The following ABCA10 variants were observed in gnomAD, a reference collection of about 807,000 sequenced individuals.
ABCA10 encodes the protein ATP-binding cassette sub-family A member 10.
In ABCA10, 169 loss-of-function variants were observed where a neutral mutation model predicts 187.5. The observed-to-expected ratio is 0.90, with a 90% CI of 0.80 to 1.02. The LOEUF is 1.02. ABCA10 is among the 50% of genes least tolerant of loss of function. The pLI is 0.00. For missense variants in ABCA10, 1,727 were observed against 1,812.4 expected, an observed-to-expected ratio of 0.95 and a Z score of 0.86; for synonymous variants, 574 against 601.8, an observed-to-expected ratio of 0.95 and a Z score of 0.68.
In ABCA10 at chr17:69,189,030, A is replaced by G. The variant is rs942718499; in HGVS notation, c.2132-1151T>C. 2.7e-4 allele frequency among the ~76,000 whole-genome samples: 41 copies of G among 152,010 alleles called. 1 individual carries two copies. Among genetic ancestry groups the G allele is most frequent in the Admixed American group, 2.4e-3 (36 of 15,250 alleles). On this transcript the variant is annotated intron_variant, in intron 18 of 38. Coordinates refer to ENST00000690296, the MANE Select transcript of ABCA10 (RefSeq NM_001377321.1). ...GTCTTTATGACAGAATGATTTATAT[A>G]CCTTTGGCTATATACTCAGTAATGG...
At chr17:69,164,885 C>G in intron 26 of ABCA10, 79 bp downstream of exon 26, 2 of 1,468,284 alleles carry the variant, frequency 1.4e-6, no homozygotes, top group Non-Finnish European at 1.8e-6. Context: ...TATAAATGCA[C>G]CTGTTCCGAC....
intron 25 of ABCA10, 117 bp from the exon 26 acceptor site, chr17:69,165,200 A>G (rs2074246779): frequency 1.3e-5 from 11 of 834,968 alleles, no homozygotes; most frequent in African/African-American, 1.7e-5. Context: ...TTTACCTCAC[A>G]GATAGAAATA....
intron 20 of ABCA10, 80 bp from the exon 21 acceptor site, chr17:69,182,888 T>C (rs1255560385): frequency 1.6e-5 from 24 of 1,493,940 alleles, no homozygotes; most frequent in East Asian, 4.5e-5. Context: ...ATAATAATGA[T>C]TGCCAATCGT....
At chr17:69,153,628 A>G in intron 32 of ABCA10, 82 bp from the exon 33 acceptor site, 3 of 1,516,662 alleles carry the variant, frequency 2.0e-6, no homozygotes, top group African/African-American at 1.4e-5. Flanking sequence ...TCTAAGCACT[A>G]TTATTCTAGA....
At chr17:69,197,765 C>A (rs530834831) in intron 10 of ABCA10, among the ~76,000 whole-genome samples, 1 of 152,040 alleles carries the variant, frequency 6.6e-6, no homozygotes, top group African/African-American at 2.4e-5. Context: ...CTTACTATTC[C>A]GTTTTGGCGT....
At chr17:69,182,439 A>ATT (rs1359789150) in intron 21 of ABCA10, 149 bp from the exon 22 acceptor site, 1 of 976,312 alleles carries the variant, frequency 1.0e-6, no homozygotes, top group African/African-American at 1.7e-5. Context: ...TTGGTACAAG[A>ATT]ATGCATTATT....
At chr17:69,233,065 G>C (rs1426712246), upstream of ABCA10, 1 of 151,934 alleles carries the variant, frequency 6.6e-6, no homozygotes, top group Non-Finnish European at 1.5e-5. Context: ...GAATCTGATT[G>C]ATTAGCTGTG....
intron 3 of ABCA10, among the ~76,000 whole-genome samples, chr17:69,223,199 A>G (rs2074764087): frequency 6.6e-6 from 1 of 152,180 alleles, no homozygotes; most frequent in Non-Finnish European, 1.5e-5. Context: ...AAGAATTAAA[A>G]GGAAAAATAT....
rs2074730996 is a variant in ABCA10 at position 69,219,627 on chromosome 17, A to G, written c.448T>C (p.Phe150Leu). ...CLVSFSSFIYFASLNVARERG... is the reference protein window; with the variant it reads ...CLVSFSSFIYLASLNVARERG... Reference sequence around the variant, plus strand: ...TCCCTTGCAACATTTAATGATGCAAAGTATATAAAAGAAGAGAAAGAAACT... The same window carrying G: ...TCCCTTGCAACATTTAATGATGCAAGGTATATAAAAGAAGAGAAAGAAACT... Residue 150 changes from phenylalanine (F) to leucine (L), a missense_variant, in exon 6 of 39, where the codon TTT becomes CTT. Phe to Leu is a conservative substitution (Grantham distance 22). Transcript: ENST00000690296. The G allele has an allele frequency of 6.2e-7, 1 of 1,611,288 alleles. No homozygotes were observed. Among genetic ancestry groups the G allele is most frequent in the African/African-American group, 1.3e-5 (1 of 74,824 alleles).
At position 69,224,280 on chromosome 17, in the gene ABCA10, A is replaced by G. The variant is rs1457076560; in HGVS notation, c.34+1045T>C. ...CCAAAAAACTAAATAAAAGTTTCAG[A>G]AAGACAAGAAAAAGCAGTGATTAGA... On this transcript the variant is annotated intron_variant, in intron 3 of 38. Coordinates refer to ENST00000690296, the MANE Select transcript of ABCA10 (RefSeq NM_001377321.1). Among the ~76,000 whole-genome samples, 11 of 152,296 alleles carry G rather than the reference A, an allele frequency of 7.2e-5. No homozygotes were observed. In the South Asian group the frequency reaches 1.2e-3, roughly 17 times the overall value.
rs770080076 is a variant in ABCA10, at chr17:69,201,665, TTATC to T, written c.1007-1_1009del. On this transcript the variant is annotated splice_acceptor_variant and coding_sequence_variant, in exon 10 of 39. Coordinates refer to ENST00000690296, the MANE Select transcript of ABCA10 (RefSeq NM_001377321.1). LOFTEE classifies it high-confidence loss of function. ...TAATGGAGAATCCCCATGGCCATCT[TTATC>T]TAATTAATTAAGATACAATTACATA... 22 of 1,595,428 alleles carry T rather than the reference TTATC, an allele frequency of 1.4e-5. No homozygotes were observed. The Admixed American group carries it at 3.2e-4, about 23-fold the overall frequency.
In ABCA10 at chr17:69,165,096, C is replaced by A. The variant is rs2074246023; in HGVS notation, c.3163-13G>T. The stretch of plus-strand genomic sequence containing the variant: ...CACATATTAAGATCTAGAAAAAAAT[C>A]CAGAAGTATTATAATTTTCTCAGTT... On this transcript the variant is annotated splice_polypyrimidine_tract_variant and intron_variant, in intron 25 of 38. Coordinates refer to ENST00000690296, the MANE Select transcript of ABCA10 (RefSeq NM_001377321.1). 6.6e-7 allele frequency: 1 copy of A among 1,515,650 alleles called. No individual in the cohort carries two copies. Among genetic ancestry groups the A allele is most frequent in the Non-Finnish European group, 9.1e-7 (1 of 1,095,208 alleles). The allele number at this position is 1,515,650 out of a possible 1,614,324, so 93.9% of individuals were successfully genotyped here. A position where few individuals can be genotyped will look rare whatever the true frequency, so the allele number is the denominator to read the frequency against.
At chr17:69,177,670 G>A (rs577214556) in intron 22 of ABCA10, among the ~76,000 whole-genome samples, 1 of 151,954 alleles carries the variant, frequency 6.6e-6, no homozygotes, top group East Asian at 1.9e-4. Flanking sequence ...AATGTATAGT[G>A]AGGCCAGATG....
At chr17:69,225,748 CTT>C (rs2074788822) in intron 2 of ABCA10, among the ~76,000 whole-genome samples, 1 of 152,086 alleles carries the variant, frequency 6.6e-6, no homozygotes, top group Non-Finnish European at 1.5e-5. Flanking sequence ...TGCAATCAAT[CTT>C]AACCCAGTGA....
At position 69,187,862 on chromosome 17, in the gene ABCA10, G is replaced by C; in HGVS notation, c.2149C>G (p.Gln717Glu). The C allele has an allele frequency of 6.2e-7, 1 of 1,613,390 alleles. No homozygotes were observed. The highest frequency in any genetic ancestry group is 8.5e-7 in the Non-Finnish European group (1 of 1,179,552). Reference sequence around the variant, plus strand: ...TTTCTTGTCACATGTATTTTCTCTTGTTTCCCAATGTCAAAATCTACAATC... The same window carrying C: ...TTTCTTGTCACATGTATTTTCTCTTCTTTCCCAATGTCAAAATCTACAATC... ...IDEPDFDIGK[Q>E]EKIHVTRNTG... Residue 717 changes from glutamine (Q) to glutamate (E), a missense_variant, in exon 19 of 39, where the codon CAA (glutamine) becomes GAA (glutamate). By Grantham distance (29) the Gln-to-Glu change is conservative. Coordinates refer to ENST00000690296, the MANE Select transcript of ABCA10 (RefSeq NM_001377321.1).
rs910323000 is a variant in ABCA10 at position 69,148,649 on chromosome 17, T to C, written c.*178A>G. The C allele has an allele frequency of 1.9e-5, 11 of 578,814 alleles. No homozygotes were observed. The highest frequency in any genetic ancestry group is 1.9e-4 in the African/African-American group (10 of 53,010). The allele number at this position is 578,814 out of a possible 1,614,324, so 35.9% of individuals were successfully genotyped here. A position where few individuals can be genotyped will look rare whatever the true frequency, so the allele number is the denominator to read the frequency against. ...TTTTGTTAATTTTGTCTACTACTTT[T>C]CCCTATATTTCCTTGTTTCCTTCAT... On this transcript the variant is annotated 3_prime_UTR_variant, in exon 39 of 39. Coordinates refer to ENST00000690296, the MANE Select transcript of ABCA10 (RefSeq NM_001377321.1).
intron 18 of ABCA10, among the ~76,000 whole-genome samples, chr17:69,188,312 T>C (rs2074437253): frequency 6.6e-6 from 1 of 152,048 alleles, no homozygotes; most frequent in South Asian, 2.1e-4. Flanking sequence ...TGCTTTCAAA[T>C]GATGGAAAGT....
chr17:69,194,521 T>C (rs1363323540), intron 11 of ABCA10, 26 bp from the exon 12 acceptor site: 2 of 1,548,478 alleles, frequency 1.3e-6, no homozygotes, highest in African/African-American at 1.4e-5. Context: ...AAGTGGAAAT[T>C]AGATTTTGGA....
At chr17:69,211,362 C>A (rs9896814) in intron 9 of ABCA10, among the ~76,000 whole-genome samples, 1 of 15,464 alleles carries the variant, frequency 6.5e-5, no homozygotes, top group East Asian at 7.4e-4. Flanking sequence ...TATATATATA[C>A]ACACACACCA....
Sources: gnomAD v4.1 joint callset for allele counts (sites outside exome capture counted in the v4.1 genomes callset) on GRCh38, gnomAD v4.1.1 for gene constraint, MANE v1.5 for transcripts, NCBI Gene and HGNC (gene_info 2026-07-23, HGNC 2026-07-21) for gene names.